Variants in VPS13B observed in about 807,000 individuals in gnomAD.
The protein encoded by VPS13B is vacuolar protein sorting 13 homolog B, also known as intermembrane lipid transfer protein VPS13B.
VPS13B carries 285 observed loss-of-function variants against 426.4 expected under a neutral mutation model. The ratio of observed to expected loss-of-function variants is 0.67; its 90% CI spans 0.61 to 0.74. The LOEUF (loss-of-function observed/expected upper bound fraction) is 0.74, where lower values mean the gene tolerates loss of function less well. Ranked by LOEUF, VPS13B falls within the 30% of genes least tolerant of loss-of-function variation. The pLI, the probability that VPS13B is intolerant of heterozygous loss-of-function variation, is 0.00. For missense variants in VPS13B, 4,537 were observed against 4,782.6 expected (o/e 0.95, Z 1.51); for synonymous variants, 1,676 against 1,676.4 (o/e 1.00, Z 0.01).
rs183777329 is a variant in VPS13B, at chr8:99,166,061, C to T, written c.2209-3978C>T. Among the ~76,000 whole-genome samples, 22 of 152,310 alleles carry T rather than the reference C, an allele frequency of 1.4e-4. 1 individual carries two copies. Among genetic ancestry groups the T allele is most frequent in the African/African-American group, 4.6e-4 (19 of 41,576 alleles). On this transcript the variant is annotated intron_variant, in intron 15 of 61. Transcript: ENST00000357162. ...ATGGCACGATCTTGGCTCACTGCAACGTCCGCCTCCCGGGTTCAAGTGATT... is the reference window on the plus strand; with the variant it reads ...ATGGCACGATCTTGGCTCACTGCAATGTCCGCCTCCCGGGTTCAAGTGATT...
chr8:99,436,974 C>T (rs946150190), intron 22 of VPS13B, among the ~76,000 whole-genome samples: 1 of 152,054 alleles, frequency 6.6e-6, no homozygotes, highest in Non-Finnish European at 1.5e-5. Flanking sequence ...CTCCTGACCT[C>T]GTGATCCACC....
intron 27 of VPS13B, among the ~76,000 whole-genome samples, chr8:99,503,390 T>C (rs1221160334): frequency 6.6e-6 from 1 of 152,194 alleles, no homozygotes; most frequent in Non-Finnish European, 1.5e-5. Context: ...GCTGTGGCAA[T>C]TTTTAAAAAT....
intron 17 of VPS13B, among the ~76,000 whole-genome samples, chr8:99,221,962 A>G (rs1030980514): frequency 1.3e-5 from 2 of 152,246 alleles, no homozygotes; most frequent in Non-Finnish European, 2.9e-5. Flanking sequence ...GTATTTATCC[A>G]GAACTATACC....
intron 44 of VPS13B, among the ~76,000 whole-genome samples, chr8:99,810,902 G>C (rs779006346): frequency 6.6e-6 from 1 of 152,162 alleles, no homozygotes; most frequent in Non-Finnish European, 1.5e-5. Context: ...GGACAAATGA[G>C]TCTTACTGAA....
At chr8:99,176,906 T>C (rs1473030113) in intron 16 of VPS13B, among the ~76,000 whole-genome samples, 3 of 152,176 alleles carry the variant, frequency 2.0e-5, no homozygotes, top group Non-Finnish European at 4.4e-5. Flanking sequence ...AGAAAGAGGT[T>C]TGGCTTAAAA....
intron 31 of VPS13B, among the ~76,000 whole-genome samples, chr8:99,565,273 T>C (rs1261739782): frequency 6.6e-6 from 1 of 152,190 alleles, no homozygotes; most frequent in African/African-American, 2.4e-5. Flanking sequence ...ATTTATCTTT[T>C]AAACTTCATT....
At chr8:99,444,099 CT>C (rs1289620618) in intron 23 of VPS13B, among the ~76,000 whole-genome samples, 2 of 148,538 alleles carry the variant, frequency 1.3e-5, no homozygotes, top group South Asian at 2.1e-4. Flanking sequence ...TCTTTTTTTT[CT>C]TTTTTTTCTT....
At chr8:99,090,081 C>T (rs574477497) in intron 3 of VPS13B, among the ~76,000 whole-genome samples, 1 of 151,846 alleles carries the variant, frequency 6.6e-6, no homozygotes, top group Admixed American at 6.6e-5. Flanking sequence ...AGTAGTTTTT[C>T]AGGTTAAGTT....
At chr8:99,745,548 C>T (rs182496295) in intron 39 of VPS13B, among the ~76,000 whole-genome samples, 127 of 152,064 alleles carry the variant, frequency 8.4e-4, no homozygotes, top group African/African-American at 2.8e-3. Context: ...TAAACTTTAT[C>T]ATAGGTATGC....
intron 31 of VPS13B, among the ~76,000 whole-genome samples, chr8:99,567,204 C>T (rs748745164): frequency 6.6e-6 from 1 of 152,160 alleles, no homozygotes; most frequent in African/African-American, 2.4e-5. Context: ...CTCCCTCTTC[C>T]ATGAAGTTTT....
intron 19 of VPS13B, among the ~76,000 whole-genome samples, chr8:99,314,655 T>C (rs1298370390): frequency 6.6e-6 from 1 of 152,172 alleles, no homozygotes; most frequent in Non-Finnish European, 1.5e-5. Flanking sequence ...CTTGCTGTTT[T>C]GTCCAGGCTG....
intron 4 of VPS13B, among the ~76,000 whole-genome samples, chr8:99,097,232 G>T (rs1846475621): frequency 6.6e-6 from 1 of 152,112 alleles, no homozygotes; most frequent in Non-Finnish European, 1.5e-5. Context: ...TTCTTAAATG[G>T]ATTATGCTTC....
chr8:99,755,032 G>A (rs1021506924), intron 39 of VPS13B, among the ~76,000 whole-genome samples: 4 of 152,106 alleles, frequency 2.6e-5, no homozygotes, highest in African/African-American at 7.2e-5. Context: ...GGAAAAACGG[G>A]AATGAGATGT....
chr8:99,187,218 CA>C (rs1431941277), intron 16 of VPS13B, among the ~76,000 whole-genome samples: 3 of 151,574 alleles, frequency 2.0e-5, no homozygotes, highest in African/African-American at 7.3e-5. Context: ...TTTTTTGGTG[CA>C]GGGGCGGGGG....
At chr8:99,471,160 C>T (rs1819385273) in intron 24 of VPS13B, among the ~76,000 whole-genome samples, 1 of 151,994 alleles carries the variant, frequency 6.6e-6, no homozygotes, top group Non-Finnish European at 1.5e-5. Context: ...GGAAATTCTG[C>T]AGGATGAAGG....
At chr8:99,038,940 C>A (rs182996609) in intron 3 of VPS13B, among the ~76,000 whole-genome samples, 1 of 152,030 alleles carries the variant, frequency 6.6e-6, no homozygotes, top group Non-Finnish European at 1.5e-5. Flanking sequence ...CCACCTTGGC[C>A]TCCCAAAGTA....
chr8:99,275,898 C>T lies in VPS13B; in HGVS notation c.2824+644C>T, dbSNP rs1489904433. Among the ~76,000 whole-genome samples the T allele has an allele frequency of 2.6e-5, 4 of 152,044 alleles. 1 individual carries two copies. In the South Asian group the frequency reaches 6.2e-4, roughly 24 times the overall value. ...TTAGCCAGTATGTGGTTAGCAAAGTCAGGGTGTTCAGTCAATGAAGCTAGC... is the reference window on the plus strand; with the variant it reads ...TTAGCCAGTATGTGGTTAGCAAAGTTAGGGTGTTCAGTCAATGAAGCTAGC... On this transcript the variant is annotated intron_variant, in intron 19 of 61. Coordinates refer to ENST00000357162, the MANE Select transcript of VPS13B (RefSeq NM_152564.5).
rs1207469209 is a variant in VPS13B, at chr8:99,699,834, C to T, written c.6356C>T (p.Ser2119Phe). 1 of 1,613,854 alleles carries T rather than the reference C, an allele frequency of 6.2e-7. No individual in the cohort carries two copies. Among genetic ancestry groups the T allele is most frequent in the Non-Finnish European group, 8.5e-7 (1 of 1,179,910 alleles). The change falls in exon 36 of 62, where the codon TCC becomes TTC. Residue 2119 changes from serine to phenylalanine, a missense_variant. Coordinates refer to ENST00000357162, the MANE Select transcript of VPS13B (RefSeq NM_152564.5). ...ISVQTTQIVI[S>F]METVPHTSKP... ...GTTCAAACTACTCAGATTGTGATCT[C>T]CATGGAAACTGTACCCCATACCAGC...
At chr8:99,019,881 A>G (rs945440414) in intron 2 of VPS13B, among the ~76,000 whole-genome samples, 3 of 152,188 alleles carry the variant, frequency 2.0e-5, no homozygotes, top group Non-Finnish European at 1.5e-5. Context: ...TCATTCATTT[A>G]TTCGTTGATG....
Sources: gnomAD v4.1 joint callset for allele counts (sites outside exome capture counted in the v4.1 genomes callset) on GRCh38, gnomAD v4.1.1 for gene constraint, MANE v1.5 for transcripts, NCBI Gene and HGNC (gene_info 2026-07-23, HGNC 2026-07-21) for gene names.